The following GMEB1 variants were observed in gnomAD, a reference collection of about 807,000 sequenced individuals.
The protein encoded by GMEB1 is glucocorticoid modulatory element-binding protein 1.
GMEB1 carries 6 observed loss-of-function variants against 52.4 expected under a neutral mutation model. That is an observed-to-expected ratio of 0.11 (90% CI 0.06 to 0.23). The LOEUF (loss-of-function observed/expected upper bound fraction) is 0.23. Among genes scored for constraint, GMEB1 ranks in the 10% least tolerant of loss-of-function variants. GMEB1 has a pLI of 1.00. For synonymous variants in GMEB1, 255 were observed against 244.9 expected (o/e 1.04, Z -0.38); for missense variants, 486 against 685.6 (o/e 0.71, Z 3.25).
chr1:28,701,580 G>T (rs1553138654), intron 6 of GMEB1, among the ~76,000 whole-genome samples: 3 of 151,188 alleles, frequency 2.0e-5, no homozygotes, highest in Non-Finnish European at 3.0e-5. Flanking sequence ...AAGCTTTCTT[G>T]TTTTTTGAGA....
chr1:28,688,719 C>A (rs950402665), intron 2 of GMEB1, among the ~76,000 whole-genome samples: 1 of 151,716 alleles, frequency 6.6e-6, no homozygotes, highest in African/African-American at 2.4e-5. Context: ...CCCCCACCAC[C>A]CACCACCCCC....
intron 2 of GMEB1, among the ~76,000 whole-genome samples, chr1:28,688,955 G>A (rs188759136): frequency 1.4e-5 from 2 of 147,640 alleles, no homozygotes; most frequent in Non-Finnish European, 3.0e-5. Context: ...ACAGTGGTGC[G>A]ATTTCAGCTC....
intron 1 of GMEB1, among the ~76,000 whole-genome samples, chr1:28,680,695 A>T (rs1054539002): frequency 6.6e-6 from 1 of 151,484 alleles, no homozygotes; most frequent in Admixed American, 6.6e-5. Context: ...AGATCATGCC[A>T]CTGCACTCCA....
chr1:28,707,863 G>A (rs1034985005), intron 8 of GMEB1, among the ~76,000 whole-genome samples: 4 of 151,938 alleles, frequency 2.6e-5, no homozygotes, highest in African/African-American at 9.7e-5. Flanking sequence ...AGGTGAGGTT[G>A]TCCAGGTTAA....
chr1:28,714,856 C>T lies in GMEB1; in HGVS notation c.*83C>T. On this transcript the variant is annotated 3_prime_UTR_variant, in exon 10 of 10. Transcript: ENST00000373816. ...TTTTTATCATTGTCCCACTCATTTC[C>T]ACATAGGACCCTTTTTTAAAAAAAA... 2.2e-6 allele frequency: 2 copies of T among 908,872 alleles called. No individual in the cohort carries two copies. The highest frequency in any genetic ancestry group is 3.3e-6 in the Non-Finnish European group (2 of 602,090). The allele number at this position is 908,872 out of a possible 1,614,324, so 56.3% of individuals were successfully genotyped here. A position where few individuals can be genotyped will look rare whatever the true frequency, so the allele number is the denominator to read the frequency against.
intron 5 of GMEB1, among the ~76,000 whole-genome samples, chr1:28,694,226 C>G (rs1205261231): frequency 7.1e-6 from 1 of 140,824 alleles, no homozygotes; most frequent in Non-Finnish European, 1.5e-5. Flanking sequence ...GAGTCTTGCT[C>G]TGTTGCCAGG....
At position 28,684,774 on chromosome 1, in the gene GMEB1, C is replaced by T. The variant is rs556301541; in HGVS notation, c.128+1034C>T. 1.1e-4 allele frequency among the ~76,000 whole-genome samples: 17 copies of T among 152,062 alleles called. No homozygotes were observed. In the South Asian group the frequency reaches 1.4e-3, roughly 13 times the overall value. ...GGGTGATGAGAGGGAACCTAGAGGA[C>T]GAGTCAATAGGTGCAGCAAACCACC... is the stretch of plus-strand genomic sequence containing the variant. On this transcript the variant is annotated intron_variant, in intron 2 of 9. Coordinates refer to ENST00000373816, the MANE Select transcript of GMEB1 (RefSeq NM_001319674.2).
intron 8 of GMEB1, among the ~76,000 whole-genome samples, chr1:28,709,003 G>A (rs866272208): frequency 6.6e-6 from 1 of 151,826 alleles, no homozygotes; most frequent in South Asian, 2.1e-4. Flanking sequence ...GCATTGTGGC[G>A]GGCGCCTGTA....
Position 28,710,633 on chromosome 1 carries a change from A to G in GMEB1, c.982A>G (p.Thr328Ala), listed in dbSNP as rs1289001597. 8.8e-6 allele frequency: 14 copies of G among 1,593,246 alleles called. No individual in the cohort carries two copies. Among genetic ancestry groups the G allele is most frequent in the Non-Finnish European group, 1.2e-5 (14 of 1,170,026 alleles). The change falls in exon 9 of 10, where the codon ACT becomes GCT. Residue 328 changes from threonine to alanine, a missense_variant. Coordinates refer to ENST00000373816, the MANE Select transcript of GMEB1 (RefSeq NM_001319674.2). Reference protein sequence around the residue: ...VEQGEEQFLYTLTDLERQLEE... With the variant: ...VEQGEEQFLYALTDLERQLEE... ...GCAGGGAGAAGAACAGTTTCTCTAT[A>G]CTCTGACAGGTATGTATAAGTTATC...
At position 28,704,176 on chromosome 1, in the gene GMEB1, A is replaced by T. The variant is rs201517590; in HGVS notation, c.731-16A>T. ...GTGTCTCTTTTTTACCCTCTGTCTTATCCTTCTTGTGCCAGAGGACACTTT... is the reference window on the plus strand; with the variant it reads ...GTGTCTCTTTTTTACCCTCTGTCTTTTCCTTCTTGTGCCAGAGGACACTTT... On this transcript the variant is annotated splice_polypyrimidine_tract_variant and intron_variant, in intron 7 of 9. Transcript: ENST00000373816. 1.8e-5 allele frequency: 29 copies of T among 1,606,788 alleles called. No individual in the cohort carries two copies. Among genetic ancestry groups the T allele is most frequent in the Non-Finnish European group, 2.5e-5 (29 of 1,176,380 alleles).
chr1:28,684,290 G>A lies in GMEB1; in HGVS notation c.128+550G>A, dbSNP rs562765873. 3.3e-5 allele frequency among the ~76,000 whole-genome samples: 5 copies of A among 152,170 alleles called. No homozygotes were observed. In the East Asian group the frequency reaches 9.6e-4, roughly 29 times the overall value. ...TTAAAAATTCCAGGCCTGGCCGGGT[G>A]CAGTGGCTCACGCCTGTAATCCCAG... On this transcript the variant is annotated intron_variant, in intron 2 of 9. Coordinates refer to ENST00000373816, the MANE Select transcript of GMEB1 (RefSeq NM_001319674.2).
Position 28,676,617 on chromosome 1 carries a change from T to C in GMEB1, c.-30-6966T>C, listed in dbSNP as rs561287710. The stretch of plus-strand genomic sequence containing the variant: ...GGCAGGCGCCTGTAGTCTCAGCTAC[T>C]TGGGAGGCTGAGGCAGGAGAATGGC... On this transcript the variant is annotated intron_variant, in intron 1 of 9. Coordinates refer to ENST00000373816, the MANE Select transcript of GMEB1 (RefSeq NM_001319674.2). 7.8e-4 allele frequency among the ~76,000 whole-genome samples: 118 copies of C among 152,064 alleles called. 2 individuals carry two copies. The highest frequency in any genetic ancestry group is 1.4e-3 in the Admixed American group (21 of 15,222).
In GMEB1 at chr1:28,697,162, CATATATATATATATATATATAT is replaced by C. The variant is rs71586855; in HGVS notation, c.598+95_598+116del. On this transcript the variant is annotated intron_variant, in intron 6 of 9. Coordinates refer to ENST00000373816, the MANE Select transcript of GMEB1 (RefSeq NM_001319674.2). The stretch of plus-strand genomic sequence containing the variant: ...CCCCCTTATTTCTCCCTTGTGTGTA[CATATATATATATATATATATAT>C]ATATATATATATATATGTATTTTTT... The C allele has an allele frequency of 3.7e-3, 548 of 149,080 alleles. 47 individuals carry two copies. Among genetic ancestry groups the C allele is most frequent in the East Asian group, 0.014 (57 of 4,014 alleles). The allele number at this position is 149,080 out of a possible 1,614,324, so 9.2% of individuals were successfully genotyped here.
intron 9 of GMEB1, among the ~76,000 whole-genome samples, chr1:28,711,154 C>T (rs552525864): frequency 9.2e-5 from 14 of 151,928 alleles, no homozygotes; most frequent in East Asian, 1.9e-4. Flanking sequence ...GATGTGGTGG[C>T]GCGTGCCTGT....
At chr1:28,686,923 A>G (rs1227419718) in intron 2 of GMEB1, among the ~76,000 whole-genome samples, 3 of 152,176 alleles carry the variant, frequency 2.0e-5, no homozygotes, top group African/African-American at 7.2e-5. Context: ...AAACAAGCAT[A>G]CATTGTGATA....
intron 9 of GMEB1, among the ~76,000 whole-genome samples, chr1:28,713,850 T>C (rs1671169282): frequency 6.6e-6 from 1 of 152,064 alleles, no homozygotes; most frequent in Non-Finnish European, 1.5e-5. Context: ...TTCGAGGCTA[T>C]AGTGCGCAAT....
At chr1:28,682,947 G>A (rs1669462744) in intron 1 of GMEB1, among the ~76,000 whole-genome samples, 1 of 152,168 alleles carries the variant, frequency 6.6e-6, no homozygotes, top group Non-Finnish European at 1.5e-5. Flanking sequence ...CTGATTTCAA[G>A]CTGTCAACTT....
intron 3 of GMEB1, among the ~76,000 whole-genome samples, chr1:28,690,975 C>G (rs2124511522): frequency 6.7e-6 from 1 of 149,326 alleles, no homozygotes; most frequent in Non-Finnish European, 1.5e-5. Context: ...AGCGAGACAT[C>G]ATCCTAAAAA....
At position 28,716,434 on chromosome 1, in the gene GMEB1, A is replaced by C. The variant is rs1671275365; in HGVS notation, c.*1661A>C. 6.6e-6 allele frequency: 1 copy of C among 151,930 alleles called. No individual in the cohort carries two copies. Among genetic ancestry groups the C allele is most frequent in the South Asian group, 2.1e-4 (1 of 4,824 alleles). The allele number at this position is 151,930 out of a possible 1,614,324, so 9.4% of individuals were successfully genotyped here. A position where few individuals can be genotyped will look rare whatever the true frequency, so the allele number is the denominator to read the frequency against. ...GGTGCTTCCTCTTGTTCTGCCCTCC[A>C]TCCCTCAACTCTTAATGGCATCTGT... On this transcript the variant is annotated 3_prime_UTR_variant, in exon 10 of 10. Coordinates refer to ENST00000373816, the MANE Select transcript of GMEB1 (RefSeq NM_001319674.2).
Sources: allele counts gnomAD v4.1 joint callset (sites outside exome capture counted in the v4.1 genomes callset), GRCh38; gene constraint gnomAD v4.1.1; transcripts MANE v1.5; gene names NCBI Gene and HGNC (gene_info 2026-07-23, HGNC 2026-07-21).